NOCT: variants seen among roughly 807,000 people sequenced by gnomAD.
NOCT encodes CCR4 carbon catabolite repression 4-like.
In NOCT, 18 loss-of-function variants were observed where a neutral mutation model predicts 35.0. The ratio of observed to expected loss-of-function variants is 0.51; its 90% CI spans 0.36 to 0.76. NOCT has a LOEUF of 0.76. Ranked by LOEUF, NOCT falls within the 30% of genes least tolerant of loss-of-function variation. The pLI, the probability that NOCT is intolerant of heterozygous loss-of-function variation, is 0.01. For missense variants in NOCT, 479 were observed against 541.0 expected (o/e 0.89, Z 1.14); for synonymous variants, 235 against 226.3 (o/e 1.04, Z -0.34).
At chr4:139,016,384 A>C (rs1726300844) in intron 1 of NOCT, among the ~76,000 whole-genome samples, 1 of 152,106 alleles carries the variant, frequency 6.6e-6, no homozygotes, top group South Asian at 2.1e-4. Context: ...GCTAGTAAGA[A>C]CTGGGAGACT....
intron 1 of NOCT, among the ~76,000 whole-genome samples, chr4:139,040,760 C>T (rs1031112825): frequency 2.0e-5 from 3 of 152,150 alleles, no homozygotes; most frequent in African/African-American, 7.2e-5. Flanking sequence ...CATGGTGTCC[C>T]TGTGAGTTTG....
intron 1 of NOCT, among the ~76,000 whole-genome samples, chr4:139,037,164 A>G (rs1726750591): frequency 6.6e-6 from 1 of 152,192 alleles, no homozygotes; most frequent in East Asian, 1.9e-4. Context: ...TGTAAGGTCT[A>G]AGGGGACAGA....
Position 139,043,232 on chromosome 4 carries a change from G to T in NOCT, c.349G>T (p.Val117Phe). Residue 117 changes from valine to phenylalanine, a missense_variant, in exon 2 of 3, where the codon GTC (valine) becomes TTC (phenylalanine). Physicochemically the swap from Val to Phe is conservative, Grantham distance 50. Transcript: ENST00000280614. ...PKELLEECRA[V>F]LHTRPPRFQR... Reference sequence around the variant, plus strand: ...AGAGCTTCTTGAGGAATGCAGGGCCGTCCTGCACACCCGACCTCCCCGGTT... The same window carrying T: ...AGAGCTTCTTGAGGAATGCAGGGCCTTCCTGCACACCCGACCTCCCCGGTT... 6.2e-7 allele frequency: 1 copy of T among 1,614,174 alleles called. No individual in the cohort carries two copies. Among genetic ancestry groups the T allele is most frequent in the East Asian group, 2.2e-5 (1 of 44,866 alleles).
At position 139,044,729 on chromosome 4, in the gene NOCT, T is replaced by C; in HGVS notation, c.551T>C (p.Leu184Pro). ...AAATGTCTCATCCTGGAAGAAATCC[T>C]GGCCTACCAGCCTGATATATTGTGC... ...ERKCLILEEI[L>P]AYQPDILCLQ... is the part of the protein sequence containing the mutation. Residue 184 changes from leucine to proline, a missense_variant, in exon 3 of 3, where the codon CTG becomes CCG. Coordinates refer to ENST00000280614, the MANE Select transcript of NOCT (RefSeq NM_012118.4). 1 of 1,614,208 alleles carries C rather than the reference T, an allele frequency of 6.2e-7. No homozygotes were observed. Among genetic ancestry groups the C allele is most frequent in the Non-Finnish European group, 8.5e-7 (1 of 1,180,020 alleles).
rs546696846 is a variant in NOCT, at chr4:139,015,924, C to T, written c.-58C>T. ...GTCGGCTCGACTCGGTGCCCTCGGCCCCAGCCGGGCTCCGCTCCTCGGGCG... is the reference window on the plus strand; with the variant it reads ...GTCGGCTCGACTCGGTGCCCTCGGCTCCAGCCGGGCTCCGCTCCTCGGGCG... On this transcript the variant is annotated 5_prime_UTR_variant, in exon 1 of 3. Coordinates refer to ENST00000280614, the MANE Select transcript of NOCT (RefSeq NM_012118.4). The T allele has an allele frequency of 7.9e-7, 1 of 1,267,214 alleles. No individual in the cohort carries two copies. Among genetic ancestry groups the T allele is most frequent in the Non-Finnish European group, 1.0e-6 (1 of 999,238 alleles). 78.5% of individuals were successfully genotyped at this position (1,267,214 alleles called of 1,614,324 possible).
At chr4:139,029,537 A>G (rs1173657745) in intron 1 of NOCT, among the ~76,000 whole-genome samples, 3 of 152,232 alleles carry the variant, frequency 2.0e-5, no homozygotes, top group Non-Finnish European at 2.9e-5. Context: ...AGACTTGGAG[A>G]CTGGTCGGTC....
chr4:139,017,838 A>T (rs1329379037), intron 1 of NOCT, among the ~76,000 whole-genome samples: 1 of 152,172 alleles, frequency 6.6e-6, no homozygotes. Flanking sequence ...TATATATTTT[A>T]AAAATGGTCA....
intron 1 of NOCT, among the ~76,000 whole-genome samples, chr4:139,016,970 A>ATTTT (rs56237553): frequency 0.064 from 8,406 of 130,984 alleles, 422 homozygotes; most frequent in African/African-American, 0.09. Flanking sequence ...GTTTCTTTGG[A>ATTTT]TTTTTTTTTT....
rs1726287006 is a variant in NOCT, at chr4:139,015,943, T to C, written c.-39T>C. ...CTCGGCCCCAGCCGGGCTCCGCTCC[T>C]CGGGCGCGCGAGGGGCCGTGGTGGC... On this transcript the variant is annotated 5_prime_UTR_variant, in exon 1 of 3. Coordinates refer to ENST00000280614, the MANE Select transcript of NOCT (RefSeq NM_012118.4). 1 of 1,305,424 alleles carries C rather than the reference T, an allele frequency of 7.7e-7. No homozygotes were observed. Among genetic ancestry groups the C allele is most frequent in the South Asian group, 2.1e-5 (1 of 48,042 alleles). The allele number at this position is 1,305,424 out of a possible 1,614,324, so 80.9% of individuals were successfully genotyped here. A position where few individuals can be genotyped will look rare whatever the true frequency, so the allele number is the denominator to read the frequency against.
Position 139,015,893 on chromosome 4 carries a change from C to G in NOCT, c.-89C>G. On this transcript the variant is annotated 5_prime_UTR_variant, in exon 1 of 3. Transcript: ENST00000280614. ...CCTGGGAGCATCCGCCCACACTGCC[C>G]GGACAGTCGGCTCGACTCGGTGCCC... The G allele has an allele frequency of 2.8e-6, 3 of 1,086,122 alleles. No individual in the cohort carries two copies. Among genetic ancestry groups the G allele is most frequent in the Non-Finnish European group, 3.5e-6 (3 of 846,580 alleles). 67.3% of individuals were successfully genotyped at this position (1,086,122 alleles called of 1,614,324 possible).
chr4:139,033,166 A>G (rs900423136), intron 1 of NOCT, among the ~76,000 whole-genome samples: 1 of 152,112 alleles, frequency 6.6e-6, no homozygotes, highest in African/African-American at 2.4e-5. Flanking sequence ...GGAGTTCAAG[A>G]CCAGCCTAGC....
chr4:139,039,043 C>T (rs1471062544), intron 1 of NOCT, among the ~76,000 whole-genome samples: 2 of 151,500 alleles, frequency 1.3e-5, no homozygotes, highest in African/African-American at 2.4e-5. Flanking sequence ...AATGTAAAAG[C>T]CATTCTTAGC....
chr4:139,023,110 AAAG>A (rs1208042163), intron 1 of NOCT, among the ~76,000 whole-genome samples: 47 of 152,290 alleles, frequency 3.1e-4, no homozygotes, highest in African/African-American at 4.3e-4. Flanking sequence ...CAAAAAAAAA[AAAG>A]AAGTTATGAT....
intron 2 of NOCT, chr4:139,043,640 G>C: frequency 1.2e-5 from 3 of 258,304 alleles, no homozygotes; most frequent in Non-Finnish European, 2.3e-5. Flanking sequence ...ACCAAGTCAG[G>C]TGCAGTGGCT....
At chr4:139,018,546 C>G (rs931590654) in intron 1 of NOCT, among the ~76,000 whole-genome samples, 1 of 152,156 alleles carries the variant, frequency 6.6e-6, no homozygotes, top group African/African-American at 2.4e-5. Context: ...AGACAATTTT[C>G]CTGTTCATGC....
chr4:139,042,593 T>C (rs967827496), intron 1 of NOCT, among the ~76,000 whole-genome samples: 1 of 152,194 alleles, frequency 6.6e-6, no homozygotes, highest in African/African-American at 2.4e-5. Context: ...AGCTGGAACC[T>C]GGAAACTCCT....
intron 1 of NOCT, among the ~76,000 whole-genome samples, chr4:139,033,309 G>A (rs1000030192): frequency 2.6e-5 from 4 of 151,908 alleles, no homozygotes; most frequent in Non-Finnish European, 5.9e-5. Context: ...AGGTTGCAGT[G>A]AGCTGAGAGT....
chr4:139,042,828 T>C (rs559906638), intron 1 of NOCT, among the ~76,000 whole-genome samples: 2 of 151,922 alleles, frequency 1.3e-5, no homozygotes, highest in East Asian at 1.9e-4. Flanking sequence ...GGCAGGAGAA[T>C]TGCTTGAACC....
At chr4:139,036,247 T>A (rs1726736705) in intron 1 of NOCT, among the ~76,000 whole-genome samples, 1 of 152,140 alleles carries the variant, frequency 6.6e-6, no homozygotes, top group Admixed American at 6.5e-5. Context: ...ACCTTTTTTT[T>A]CCTAGAGAGA....
Sources: allele counts gnomAD v4.1 joint callset (sites outside exome capture counted in the v4.1 genomes callset), GRCh38; gene constraint gnomAD v4.1.1; transcripts MANE v1.5; gene names NCBI Gene and HGNC (gene_info 2026-07-23, HGNC 2026-07-21).